Variants in CYP3A7 observed in about 807,000 individuals in gnomAD.
CYP3A7 encodes the protein cytochrome P450 family 3 subfamily A member 7.
CYP3A7 carries 45 observed loss-of-function variants against 55.2 expected under a neutral mutation model. The ratio of observed to expected loss-of-function variants is 0.82; its 90% CI spans 0.64 to 1.05. The LOEUF is 1.05. Ranked by LOEUF, CYP3A7 falls within the 50% of genes least tolerant of loss-of-function variation. The probability of loss-of-function intolerance (pLI) is 0.00; values close to 1 mark genes in which losing one functional copy is unlikely to be tolerated. For synonymous variants in CYP3A7, 180 were observed against 207.4 expected, an observed-to-expected ratio of 0.87 and a Z score of 1.13; for missense variants, 548 against 605.3, an observed-to-expected ratio of 0.91 and a Z score of 0.99.
In CYP3A7 at chr7:99,710,740, G is replaced by C; in HGVS notation, c.1018C>G (p.Pro340Ala). The change falls in exon 10 of 13, where the codon CCC becomes GCC. Residue 340 changes from proline to alanine, a missense_variant. Coordinates refer to ENST00000336374, the MANE Select transcript of CYP3A7 (RefSeq NM_000765.5). Reference sequence around the variant, plus strand: ...ATGTACTGTCCACTCACCTTATTGGGTAAAACTGTATCAATTTCCTTCTGC... The same window carrying C: ...ATGTACTGTCCACTCACCTTATTGGCTAAAACTGTATCAATTTCCTTCTGC... ...KVQKEIDTVL[P>A]NKAPPTYDTV... is the part of the protein sequence containing the mutation. The C allele has an allele frequency of 6.2e-7, 1 of 1,613,798 alleles. No homozygotes were observed.
In CYP3A7 at chr7:99,709,222, G is replaced by C. The variant is rs1422202321; in HGVS notation, c.1066C>G (p.Leu356Val). ...TYDTVLQLEY[L>V]DMVVNETLRL... ...AGTGTTTCATTCACCACCATGTCAA[G>C]ATACTCCAACTGTAGCACAGTATCA... The change falls in exon 11 of 13, where the codon CTT becomes GTT. Residue 356 changes from leucine (L) to valine (V), a missense_variant. By Grantham distance (32) the Leu-to-Val change is conservative (BLOSUM62 1). Coordinates refer to ENST00000336374, the MANE Select transcript of CYP3A7 (RefSeq NM_000765.5). The C allele has an allele frequency of 6.2e-7, 1 of 1,613,882 alleles. No individual in the cohort carries two copies. Among genetic ancestry groups the C allele is most frequent in the African/African-American group, 1.3e-5 (1 of 75,014 alleles).
chr7:99,705,351 C>T lies in CYP3A7; in HGVS notation c.*149G>A. 1.2e-6 allele frequency: 1 copy of T among 860,838 alleles called. No homozygotes were observed. Among genetic ancestry groups the T allele is most frequent in the South Asian group, 1.5e-5 (1 of 68,040 alleles). The allele number at this position is 860,838 out of a possible 1,614,324, so 53.3% of individuals were successfully genotyped here. On this transcript the variant is annotated 3_prime_UTR_variant, in exon 13 of 13. Transcript: ENST00000336374. The stretch of plus-strand genomic sequence containing the variant: ...ACTCTATACAGACCATGAGAGAGCA[C>T]AATGCACGTACAGAATCCCTGATTA...
At chr7:99,709,786 G>A (rs143941573) in intron 10 of CYP3A7, among the ~76,000 whole-genome samples, 148 of 151,838 alleles carry the variant, frequency 9.7e-4, no homozygotes, top group African/African-American at 3.4e-3. Flanking sequence ...GTGTGTGTGT[G>A]TGTATATATA....
intron 12 of CYP3A7, among the ~76,000 whole-genome samples, chr7:99,707,301 G>A (rs934308860): frequency 6.6e-6 from 1 of 152,100 alleles, no homozygotes; most frequent in African/African-American, 2.4e-5. Flanking sequence ...GAGAAGCAAT[G>A]GGGGAGCTTT....
intron 3 of CYP3A7, chr7:99,720,651 C>CA (rs1814164019): frequency 2.2e-6 from 1 of 453,802 alleles, no homozygotes; most frequent in Admixed American, 3.4e-5. Flanking sequence ...GATTGAAAGA[C>CA]AAAAGAGCTC....
intron 8 of CYP3A7, among the ~76,000 whole-genome samples, chr7:99,713,913 C>T (rs1310827895): frequency 1.3e-5 from 2 of 152,202 alleles, no homozygotes; most frequent in Non-Finnish European, 2.9e-5. Flanking sequence ...AATACTGCAA[C>T]ATTCCCCAAA....
Position 99,731,185 on chromosome 7 carries a change from A to T in CYP3A7, c.72-33T>A, listed in dbSNP as rs45570531. On this transcript the variant is annotated intron_variant, in intron 1 of 12. Transcript: ENST00000336374. ...GTGAAACAAAAATCAGGTCTCAGGG[A>T]TTGTGACTTTATAGATATAGGGGCT... is the stretch of plus-strand genomic sequence containing the variant. 1,650 of 1,612,700 alleles carry T rather than the reference A, an allele frequency of 1.0e-3. 8 individuals are homozygous for T. In the African/African-American group the frequency reaches 0.015, roughly 14 times the overall value.
chr7:99,724,784 C>T (rs1211268617), intron 2 of CYP3A7, among the ~76,000 whole-genome samples: 3 of 152,158 alleles, frequency 2.0e-5, no homozygotes, highest in African/African-American at 7.2e-5. Flanking sequence ...CTCTATCGAC[C>T]TCTCCCAGAT....
At chr7:99,705,617 A>G in intron 12 of CYP3A7, 22 bp from the exon 13 acceptor site, 1 of 1,611,406 alleles carries the variant, frequency 6.2e-7, no homozygotes, top group Admixed American at 1.7e-5. Context: ...AAACGAGCAT[A>G]TTGAGAAGCA....
chr7:99,713,403 AT>A, intron 9 of CYP3A7, 65 bp downstream of exon 9: 1 of 1,606,814 alleles, frequency 6.2e-7, no homozygotes, highest in Non-Finnish European at 8.5e-7. Context: ...CTTCCTGCAC[AT>A]TTTCAGAACA....
At chr7:99,722,191 A>T in intron 3 of CYP3A7, 105 bp downstream of exon 3, 1 of 1,424,990 alleles carries the variant, frequency 7.0e-7, no homozygotes, top group Non-Finnish European at 9.8e-7. Flanking sequence ...TTAGGCTGGC[A>T]AGAGCTTCAT....
At position 99,715,779 on chromosome 7, in the gene CYP3A7, C is replaced by G. The variant is rs760972181; in HGVS notation, c.649G>C (p.Asp217His). The G allele has an allele frequency of 1.2e-6, 2 of 1,613,804 alleles. No individual in the cohort carries two copies. Among genetic ancestry groups the G allele is most frequent in the South Asian group, 2.2e-5 (2 of 91,066 alleles). ...TKKLLRFNPLDPFVLSIKVFP... is the reference protein window; with the variant it reads ...TKKLLRFNPLHPFVLSIKVFP... ...ATACTTATTGAGAGAACGAATGGATCTAATGGATTAAATCTTAAAAGCTTC... is the reference window on the plus strand; with the variant it reads ...ATACTTATTGAGAGAACGAATGGATGTAATGGATTAAATCTTAAAAGCTTC... The change falls in exon 7 of 13, where the codon GAT (aspartate) becomes CAT (histidine). Residue 217 changes from aspartate to histidine, a missense_variant. Asp to His is a moderately conservative substitution (Grantham distance 81, BLOSUM62 -1). Transcript: ENST00000336374.
At chr7:99,724,116 T>C (rs1814318145) in intron 2 of CYP3A7, among the ~76,000 whole-genome samples, 1 of 152,108 alleles carries the variant, frequency 6.6e-6, no homozygotes, top group African/African-American at 2.4e-5. Flanking sequence ...TGTCTCTACC[T>C]TCTCTTTTCT....
intron 12 of CYP3A7, among the ~76,000 whole-genome samples, chr7:99,707,139 T>A (rs906042522): frequency 6.6e-6 from 1 of 152,120 alleles, no homozygotes; most frequent in African/African-American, 2.4e-5. Flanking sequence ...GAAAGAAGAT[T>A]AGCAGAGTTA....
chr7:99,726,491 A>C (rs1309998510), intron 2 of CYP3A7, among the ~76,000 whole-genome samples: 1 of 152,014 alleles, frequency 6.6e-6, no homozygotes, highest in Non-Finnish European at 1.5e-5. Context: ...CTCCCTCCAC[A>C]ACTCACTATT....
intron 2 of CYP3A7, chr7:99,730,646 G>A (rs1814574442): frequency 1.0e-5 from 2 of 197,598 alleles, no homozygotes; most frequent in Non-Finnish European, 2.1e-5. Context: ...ATGAGCTCTT[G>A]CTACAGAGAG....
At chr7:99,713,672 C>A in intron 8 of CYP3A7, 137 bp from the exon 9 acceptor site, 1 of 1,164,772 alleles carries the variant, frequency 8.6e-7, no homozygotes, top group South Asian at 1.3e-5. Context: ...TTGCCTGAGT[C>A]ACCAGTGAAA....
At chr7:99,729,461 T>C (rs2151532796) in intron 2 of CYP3A7, among the ~76,000 whole-genome samples, 1 of 152,192 alleles carries the variant, frequency 6.6e-6, no homozygotes, top group Non-Finnish European at 1.5e-5. Flanking sequence ...GCCCCAACAC[T>C]TTGCCACTAT....
chr7:99,710,009 C>T (rs1276867271), intron 10 of CYP3A7, among the ~76,000 whole-genome samples: 1 of 152,128 alleles, frequency 6.6e-6, no homozygotes, highest in African/African-American at 2.4e-5. Context: ...CCCCACACAG[C>T]CCTGTCCTCA....
Sources: allele counts gnomAD v4.1 joint callset (sites outside exome capture counted in the v4.1 genomes callset), GRCh38; gene constraint gnomAD v4.1.1; transcripts MANE v1.5; gene names NCBI Gene and HGNC (gene_info 2026-07-23, HGNC 2026-07-21).